The following CPEB1 variants were observed in gnomAD, a reference collection of about 807,000 sequenced individuals.
The protein encoded by CPEB1 is cytoplasmic polyadenylation element-binding protein 1.
Under a neutral mutation model 65.8 loss-of-function variants are expected in CPEB1, and 7 were observed. The ratio of observed to expected loss-of-function variants is 0.11; its 90% CI spans 0.06 to 0.20. CPEB1 has a LOEUF of 0.20. Among genes scored for constraint, CPEB1 ranks in the 10% least tolerant of loss-of-function variants. The pLI is 1.00. For synonymous variants in CPEB1, 262 were observed against 260.0 expected, an observed-to-expected ratio of 1.01 and a Z score of -0.08; for missense variants, 551 against 712.2, an observed-to-expected ratio of 0.77 and a Z score of 2.58.
intron 3 of CPEB1, among the ~76,000 whole-genome samples, chr15:82,592,221 G>A (rs34940771): frequency 0.12 from 17,958 of 152,116 alleles, 1,388 homozygotes; most frequent in South Asian, 0.33. Context: ...GACACTGCAG[G>A]TTCAGTTGCA....
rs1363927241 is a variant in CPEB1 at position 82,624,834 on chromosome 15, T to G, written c.271+2359A>C. 9.0e-5 allele frequency among the ~76,000 whole-genome samples: 3 copies of G among 33,202 alleles called. No homozygotes were observed. In the African/African-American group the frequency reaches 9.4e-4, roughly 10 times the overall value. The allele number at this position is 33,202 out of a possible 152,430, so 21.8% of individuals were successfully genotyped here. A position where few individuals can be genotyped will look rare whatever the true frequency, so the allele number is the denominator to read the frequency against. ...ATTGTTGAATTGTTGAGTGTCATAC[T>G]TTTTTTTTTTTTGGCAGAGGTGGGC... On this transcript the variant is annotated intron_variant, in intron 3 of 12. Coordinates refer to ENST00000684509, the MANE Select transcript of CPEB1 (RefSeq NM_001365242.1).
chr15:82,603,746 T>C (rs1188517223), intron 3 of CPEB1, among the ~76,000 whole-genome samples: 1 of 152,070 alleles, frequency 6.6e-6, no homozygotes, highest in Non-Finnish European at 1.5e-5. Flanking sequence ...ACTACTAAGA[T>C]AACCAAGCAG....
chr15:82,554,698 TTATTTCACCCTCC>T lies in CPEB1; in HGVS notation c.941-720_941-708del, dbSNP rs1311314898. Among the ~76,000 whole-genome samples the T allele has an allele frequency of 2.6e-5, 4 of 152,220 alleles. 1 individual carries two copies. In the East Asian group the frequency reaches 7.7e-4, roughly 29 times the overall value. ...TGAGGACTAGCTAGTTCTTGCCCATTTATTTCACCCTCCTCTTTCAGCAAAGAGGCAGACAGCC... is the reference window on the plus strand; with the variant it reads ...TGAGGACTAGCTAGTTCTTGCCCATTTCTTTCAGCAAAGAGGCAGACAGCC... On this transcript the variant is annotated intron_variant, in intron 6 of 12. Transcript: ENST00000684509.
At chr15:82,592,989 T>C (rs2042382331) in intron 3 of CPEB1, among the ~76,000 whole-genome samples, 1 of 152,146 alleles carries the variant, frequency 6.6e-6, no homozygotes, top group Non-Finnish European at 1.5e-5. Flanking sequence ...AGAGCGATAC[T>C]CCGTCTCAAA....
chr15:82,547,273 A>C, intron 10 of CPEB1, 36 bp from the exon 11 acceptor site: 7 of 1,088,964 alleles, frequency 6.4e-6, no homozygotes, highest in Non-Finnish European at 9.4e-6. Flanking sequence ...TTCTAACCAA[A>C]TTCTCCCAAA....
chr15:82,635,802 G>A (rs960673169), intron 1 of CPEB1, among the ~76,000 whole-genome samples: 1 of 152,190 alleles, frequency 6.6e-6, no homozygotes, highest in Non-Finnish European at 1.5e-5. Context: ...CAACTCAGAT[G>A]TTTTGGCTAG....
chr15:82,627,661 T>C (rs1379509817), intron 2 of CPEB1, among the ~76,000 whole-genome samples: 3 of 152,282 alleles, frequency 2.0e-5, no homozygotes, highest in South Asian at 4.2e-4. Flanking sequence ...TTTCTACAAA[T>C]ATAGTCAGGT....
At chr15:82,640,380 T>G (rs944071994) in intron 1 of CPEB1, among the ~76,000 whole-genome samples, 10 of 152,156 alleles carry the variant, frequency 6.6e-5, no homozygotes, top group African/African-American at 9.7e-5. Context: ...CTCTTGCACA[T>G]AGGAACACAA....
At chr15:82,591,537 G>C (rs536093580) in intron 3 of CPEB1, among the ~76,000 whole-genome samples, 1 of 152,132 alleles carries the variant, frequency 6.6e-6, no homozygotes, top group Non-Finnish European at 1.5e-5. Flanking sequence ...AAAGTGCTGG[G>C]ATTGTAGGCA....
chr15:82,551,681 A>G (rs2036282864), intron 9 of CPEB1, among the ~76,000 whole-genome samples: 1 of 152,194 alleles, frequency 6.6e-6, no homozygotes, highest in Non-Finnish European at 1.5e-5. Context: ...ATCTAGTCCA[A>G]TGTCACAAAA....
intron 12 of CPEB1, among the ~76,000 whole-genome samples, chr15:82,546,126 T>G (rs1406440736): frequency 6.6e-6 from 1 of 152,142 alleles, no homozygotes; most frequent in Non-Finnish European, 1.5e-5. Flanking sequence ...AATTTTTTTT[T>G]TTTGACACGG....
chr15:82,591,362 A>C (rs138103214), intron 3 of CPEB1, among the ~76,000 whole-genome samples: 17 of 152,250 alleles, frequency 1.1e-4, no homozygotes, highest in African/African-American at 3.9e-4. Context: ...CCCAGGTTCA[A>C]ATGATTCTCA....
At chr15:82,616,470 C>T (rs1267445460) in intron 3 of CPEB1, among the ~76,000 whole-genome samples, 1 of 151,678 alleles carries the variant, frequency 6.6e-6, no homozygotes, top group Admixed American at 6.6e-5. Flanking sequence ...CTGAATCAAA[C>T]ATATCAAAAT....
At chr15:82,644,381 C>T (rs1821341586) in intron 1 of CPEB1, among the ~76,000 whole-genome samples, 1 of 152,216 alleles carries the variant, frequency 6.6e-6, no homozygotes, top group Non-Finnish European at 1.5e-5. Flanking sequence ...TAGGTTCACA[C>T]AATTCCATCA....
chr15:82,552,734 T>C (rs773308927), intron 8 of CPEB1, 118 bp from the exon 9 acceptor site: 170 of 1,181,642 alleles, frequency 1.4e-4, no homozygotes, highest in Non-Finnish European at 2.0e-4. Flanking sequence ...AGATACATTT[T>C]TGTTTTACTC....
chr15:82,638,078 T>C (rs993383169), intron 1 of CPEB1: 3 of 391,692 alleles, frequency 7.7e-6, no homozygotes, highest in Non-Finnish European at 1.6e-5. Flanking sequence ...TGTGTTGTCA[T>C]GTGTTATTCT....
At position 82,549,353 on chromosome 15, in the gene CPEB1, G is replaced by A. The variant is rs2035841533; in HGVS notation, c.1480+107C>T. ...TTATGGTGCTGGTATATGCTGATCT[G>A]CAGACCTGGGTCAGGCCTCTCTCCT... On this transcript the variant is annotated intron_variant, in intron 10 of 12. Transcript: ENST00000684509. The A allele has an allele frequency of 9.1e-6, 10 of 1,097,632 alleles. No homozygotes were observed. The Admixed American group carries it at 1.7e-4, about 19-fold the overall frequency. 68.0% of individuals were successfully genotyped at this position (1,097,632 alleles called of 1,614,324 possible).
chr15:82,633,587 G>A (rs989883043), intron 1 of CPEB1, among the ~76,000 whole-genome samples: 7 of 152,040 alleles, frequency 4.6e-5, no homozygotes, highest in Admixed American at 1.3e-4. Flanking sequence ...TGGCCAGGCT[G>A]GTCTCAAACT....
chr15:82,567,410 G>T (rs150207153), intron 4 of CPEB1, among the ~76,000 whole-genome samples: 1 of 152,006 alleles, frequency 6.6e-6, no homozygotes, highest in Middle Eastern at 3.4e-3. Context: ...AGTCCGAGGC[G>T]GGTGGATCAC....
Sources: allele counts gnomAD v4.1 joint callset (sites outside exome capture counted in the v4.1 genomes callset), GRCh38; gene constraint gnomAD v4.1.1; transcripts MANE v1.5; gene names NCBI Gene and HGNC (gene_info 2026-07-23, HGNC 2026-07-21).